Variants in SLC12A7 observed in about 807,000 individuals in gnomAD.
SLC12A7 encodes the protein solute carrier family 12 member 7.
A neutral mutation model predicts 120.6 loss-of-function variants in SLC12A7; 100 were observed. The ratio of observed to expected loss-of-function variants is 0.83; its 90% CI spans 0.71 to 0.98. SLC12A7 has a LOEUF of 0.98. Ranked by LOEUF, SLC12A7 falls within the 50% of genes least tolerant of loss-of-function variation. The pLI, the probability that SLC12A7 is intolerant of heterozygous loss-of-function variation, is 0.00. For synonymous variants in SLC12A7, 760 were observed against 678.0 expected (o/e 1.12, Z -1.88); for missense variants, 1,373 against 1,548.1 (o/e 0.89, Z 1.90).
the SLC12A7 span, among the ~76,000 whole-genome samples, chr5:1,148,367 C>T: frequency 0.14 from 21,372 of 151,792 alleles, 1,715 homozygotes; most frequent in Middle Eastern, 0.23. Context: ...CCACCACGCC[C>T]GGCTAATTTT....
At chr5:1,056,159 C>T (rs1014654780) in intron 22 of SLC12A7, among the ~76,000 whole-genome samples, 11 of 152,322 alleles carry the variant, frequency 7.2e-5, no homozygotes, top group South Asian at 4.1e-4. Flanking sequence ...CACCCCTCTC[C>T]GCCTGGAGGC....
intron 1 of SLC12A7, among the ~76,000 whole-genome samples, chr5:1,097,222 G>A (rs1024758003): frequency 1.3e-5 from 2 of 152,156 alleles, no homozygotes; most frequent in Admixed American, 6.5e-5. Flanking sequence ...CCTACGAACT[G>A]TACAAGTAGG....
At chr5:1,095,123 C>A (rs781236834) in intron 1 of SLC12A7, among the ~76,000 whole-genome samples, 7 of 148,344 alleles carry the variant, frequency 4.7e-5, no homozygotes, top group Non-Finnish European at 9.0e-5. Context: ...ACCCCCAGGC[C>A]TCAGCAGCAG....
chr5:1,119,944 G>A, the SLC12A7 span, among the ~76,000 whole-genome samples: 1 of 152,248 alleles, frequency 6.6e-6, no homozygotes, highest in East Asian at 1.9e-4. Context: ...AGGCGCACAG[G>A]TGTCACCATG....
the SLC12A7 span, among the ~76,000 whole-genome samples, chr5:1,137,165 C>G: frequency 1.3e-5 from 2 of 152,206 alleles, no homozygotes; most frequent in African/African-American, 2.4e-5. Flanking sequence ...TTTTCACCCC[C>G]TCAAGCTCAC....
At chr5:1,145,159 C>T in the SLC12A7 span, among the ~76,000 whole-genome samples, 19 of 152,366 alleles carry the variant, frequency 1.2e-4, no homozygotes, top group Admixed American at 9.1e-4. This position sits in a 1 kb window ranked among gnomAD's most constrained non-coding sequence, Gnocchi z 4.4. Flanking sequence ...GCCGAGAACT[C>T]GGCCCTCACA....
chr5:1,138,350 A>ATTTTACAGAGTGCTGATTGCTCCAT, the SLC12A7 span, among the ~76,000 whole-genome samples: 1 of 152,160 alleles, frequency 6.6e-6, no homozygotes, highest in Non-Finnish European at 1.5e-5. Flanking sequence ...TGATTGGTTC[A>ATTTTACAGAGTGCTGATTGCTCCAT]TTTTACAGAG....
chr5:1,108,255 T>C (rs534029006), intron 1 of SLC12A7, among the ~76,000 whole-genome samples: 75 of 152,368 alleles, frequency 4.9e-4, no homozygotes, highest in African/African-American at 1.7e-3. Context: ...GGAGAGCCTC[T>C]TGCCGGGAGA....
chr5:1,122,536 C>T, the SLC12A7 span, among the ~76,000 whole-genome samples: 4 of 152,230 alleles, frequency 2.6e-5, no homozygotes, highest in Non-Finnish European at 4.4e-5. Flanking sequence ...AAGTGTCCGA[C>T]GGACGAACCG....
chr5:1,052,260 A>G lies in SLC12A7; in HGVS notation c.*100T>C, dbSNP rs773909438. ...GCAGCTTGGGCGGCATCACTGGGGG[A>G]CAGGTGTGTCTGCCGTCTGTTTCCC... On this transcript the variant is annotated 3_prime_UTR_variant, in exon 24 of 24. Coordinates refer to ENST00000264930, the MANE Select transcript of SLC12A7 (RefSeq NM_006598.3). 1.0e-6 allele frequency: 1 copy of G among 994,618 alleles called. No individual in the cohort carries two copies. Among genetic ancestry groups the G allele is most frequent in the South Asian group, 1.3e-5 (1 of 77,088 alleles). The allele number at this position is 994,618 out of a possible 1,614,324, so 61.6% of individuals were successfully genotyped here. A position where few individuals can be genotyped will look rare whatever the true frequency, so the allele number is the denominator to read the frequency against.
the SLC12A7 span, among the ~76,000 whole-genome samples, chr5:1,150,012 G>A: frequency 9.9e-5 from 15 of 152,136 alleles, no homozygotes; most frequent in African/African-American, 2.9e-4. Flanking sequence ...CCTGGGCAAC[G>A]AGAGCGAAAC....
At chr5:1,084,512 C>T (rs931019757) in intron 7 of SLC12A7, among the ~76,000 whole-genome samples, 2 of 152,164 alleles carry the variant, frequency 1.3e-5, no homozygotes, top group East Asian at 3.9e-4. Flanking sequence ...CCGCCCCCGA[C>T]GTATAAGCCA....
intron 6 of SLC12A7, among the ~76,000 whole-genome samples, chr5:1,086,318 G>A (rs975509278): frequency 1.3e-5 from 2 of 152,150 alleles, no homozygotes; most frequent in South Asian, 2.1e-4. Context: ...CAGGGACAGC[G>A]GGTTTCAGAA....
chr5:1,059,631 G>A (rs1271862860), intron 21 of SLC12A7, among the ~76,000 whole-genome samples: 1 of 152,066 alleles, frequency 6.6e-6, no homozygotes, highest in Non-Finnish European at 1.5e-5. Flanking sequence ...GTGGCCATGG[G>A]GCCCAGGCCA....
rs372764592 is a variant in SLC12A7 at position 1,064,256 on chromosome 5, C to G, written c.2438-4G>C. 1 of 1,605,036 alleles carries G rather than the reference C, an allele frequency of 6.2e-7. No individual in the cohort carries two copies. The highest frequency in any genetic ancestry group is 1.7e-5 in the Admixed American group (1 of 59,154). The stretch of plus-strand genomic sequence containing the variant: ...GCGGTGGTGTCGCGGACGGTGTCTG[C>G]GGAGAGAGGCGGCCGTCCGCAGGTC... On this transcript the variant is annotated splice_polypyrimidine_tract_variant and splice_region_variant and intron_variant, in intron 18 of 23. Transcript: ENST00000264930.
At chr5:1,129,038 T>C in the SLC12A7 span, among the ~76,000 whole-genome samples, 7 of 152,246 alleles carry the variant, frequency 4.6e-5, no homozygotes, top group African/African-American at 1.7e-4. Flanking sequence ...GGAGCACTCC[T>C]GGGATCCCCT....
chr5:1,077,737 A>T, intron 12 of SLC12A7, 96 bp downstream of exon 12: 2 of 1,288,634 alleles, frequency 1.6e-6, no homozygotes, highest in Non-Finnish European at 2.1e-6. Context: ...AGCCGCGGGC[A>T]TGCGTCCCAC....
chr5:1,106,211 G>T (rs762643116), intron 1 of SLC12A7, among the ~76,000 whole-genome samples: 1 of 152,200 alleles, frequency 6.6e-6, no homozygotes, highest in Non-Finnish European at 1.5e-5. Context: ...CCAGCACTCC[G>T]GGAGGCCGAA....
intron 17 of SLC12A7, 102 bp from the exon 18 acceptor site, chr5:1,065,580 G>T: frequency 2.2e-6 from 2 of 917,890 alleles, no homozygotes; most frequent in Non-Finnish European, 1.6e-6. Flanking sequence ...CTCCCCTGTG[G>T]ACCCAGCAGG....
Sources: gnomAD v4.1 joint callset for allele counts (sites outside exome capture counted in the v4.1 genomes callset) on GRCh38, gnomAD v4.1.1 for gene constraint, Gnocchi (gnomAD v3.1) non-coding constraint, MANE v1.5 for transcripts, NCBI Gene and HGNC (gene_info 2026-07-23, HGNC 2026-07-21) for gene names.